The following SRCAP variants were observed in gnomAD, a reference collection of about 807,000 sequenced individuals.
SRCAP encodes the protein chromatin remodeling protein SRCAP.
A neutral mutation model predicts 263.1 loss-of-function variants in SRCAP; 46 were observed. That is an observed-to-expected ratio of 0.17 (90% confidence interval 0.14 to 0.22). The LOEUF (loss-of-function observed/expected upper bound fraction) is 0.22. Ranked by LOEUF, SRCAP falls within the 10% of genes least tolerant of loss-of-function variation. The probability of loss-of-function intolerance (pLI) is 1.00; values close to 1 mark genes in which losing one functional copy is unlikely to be tolerated. For missense variants in SRCAP, 3,695 were observed against 4,181.9 expected, an observed-to-expected ratio of 0.88 and a Z score of 3.21; for synonymous variants, 1,813 against 1,662.1, an observed-to-expected ratio of 1.09 and a Z score of -2.21.
rs758974964 is a variant in SRCAP at position 30,721,266 on chromosome 16, C to T, written c.3331C>T (p.Pro1111Ser). Residue 1111 changes from proline to serine, a missense_variant, in exon 21 of 34, where the codon CCT becomes TCT. By Grantham distance (74) the Pro-to-Ser change is moderately conservative (BLOSUM62 -1). This residue lies in a region of SRCAP where 1,347 missense variants were observed against 1,304.4 expected (regional missense o/e 1.03). Coordinates refer to ENST00000262518, the MANE Select transcript of SRCAP (RefSeq NM_006662.3). ...TPTLSLKPTPPAPVRLSPAPP... is the reference protein window; with the variant it reads ...TPTLSLKPTPSAPVRLSPAPP... The stretch of plus-strand genomic sequence containing the variant: ...AACCTTGTCCCTAAAGCCAACACCA[C>T]CTGCCCCAGTTCGCCTGAGCCCAGC... 1.9e-6 allele frequency: 3 copies of T among 1,614,146 alleles called. No individual in the cohort carries two copies. Among genetic ancestry groups the T allele is most frequent in the African/African-American group, 1.3e-5 (1 of 75,038 alleles).
chr16:30,724,257 C>T lies in SRCAP; in HGVS notation c.4833C>T (p.Val1611=), dbSNP rs1172263279. 1.2e-6 allele frequency: 2 copies of T among 1,614,008 alleles called. No individual in the cohort carries two copies. Among genetic ancestry groups the T allele is most frequent in the Admixed American group, 1.7e-5 (1 of 60,010 alleles). ...CTCCTCCTCTGGCTCCTCTTCCGGTCCTGGCACCATCGCCAGGTGCTGCTC... is the reference window on the plus strand; with the variant it reads ...CTCCTCCTCTGGCTCCTCTTCCGGTTCTGGCACCATCGCCAGGTGCTGCTC... ...SPAPPLAPLP[V]LAPSPGAAPV... Residue 1611 remains valine, a synonymous_variant, in exon 25 of 34, where the codon GTC becomes GTT. Transcript: ENST00000262518.
At chr16:30,711,173 T>G in intron 10 of SRCAP, 85 bp downstream of exon 10, 1 of 1,010,186 alleles carries the variant, frequency 9.9e-7, no homozygotes, top group Non-Finnish European at 1.5e-6. Context: ...ATAAGGCACT[T>G]TGTATCCACC....
intron 4 of SRCAP, among the ~76,000 whole-genome samples, chr16:30,704,592 C>G (rs1374186054): frequency 1.3e-5 from 2 of 152,178 alleles, no homozygotes; most frequent in Non-Finnish European, 2.9e-5. Flanking sequence ...AATCCTGGCA[C>G]TTTGGGAGGC....
chr16:30,738,242 G>T lies in SRCAP; in HGVS notation c.8202G>T (p.Gly2734=). 6.2e-7 allele frequency: 1 copy of T among 1,613,832 alleles called. No homozygotes were observed. The highest frequency in any genetic ancestry group is 8.5e-7 in the Non-Finnish European group (1 of 1,179,822). Residue 2734 remains glycine (G), a synonymous_variant, in exon 34 of 34, where the codon GGG becomes GGT. Transcript: ENST00000262518. ...TSADVEIRGQ[G]TGRPGQPPGP... ...CTGATGTGGAAATTAGGGGTCAAGG[G>T]ACTGGTCGGCCAGGACAACCACCAG...
intron 13 of SRCAP, 22 bp downstream of exon 13, chr16:30,712,461 T>G (rs1480885648): frequency 3.2e-6 from 5 of 1,549,842 alleles, no homozygotes; most frequent in Non-Finnish European, 4.3e-6. Context: ...AGGCCCCTTC[T>G]TTTGTTCCCC....
At chr16:30,705,548 C>G (rs113871633) in intron 4 of SRCAP, among the ~76,000 whole-genome samples, 3 of 151,396 alleles carry the variant, frequency 2.0e-5, no homozygotes, top group African/African-American at 7.3e-5. Context: ...TACAGGCGCC[C>G]GCCATCACAC....
chr16:30,701,549 A>G (rs1304339205), intron 3 of SRCAP: 1 of 152,074 alleles, frequency 6.6e-6, no homozygotes. Flanking sequence ...TGAGTGGCGC[A>G]GTGTAAGGCT....
At position 30,709,675 on chromosome 16, in the gene SRCAP, C is replaced by T. The variant is rs747299562; in HGVS notation, c.796C>T (p.Leu266Phe). The T allele has an allele frequency of 6.2e-7, 1 of 1,614,060 alleles. No individual in the cohort carries two copies. The highest frequency in any genetic ancestry group is 1.3e-5 in the African/African-American group (1 of 74,930). The change falls in exon 7 of 34, where the codon CTC becomes TTC. Residue 266 changes from leucine (L) to phenylalanine (F), a missense_variant. Coordinates refer to ENST00000262518, the MANE Select transcript of SRCAP (RefSeq NM_006662.3). ...CAGCAAAGCAGGCTCTTCCCCTTGC[C>T]TCGGCTCTTCCTCAGCTGCCTCCAG... The part of the protein sequence containing the change: ...TSSKAGSSPC[L>F]GSSSAASSPP...
intron 26 of SRCAP, 56 bp from the exon 27 acceptor site, chr16:30,729,314 C>T (rs2053091641): frequency 1.9e-6 from 3 of 1,608,876 alleles, no homozygotes; most frequent in African/African-American, 1.3e-5. Context: ...AAGGTGTTAA[C>T]TTCTGGGGCA....
chr16:30,735,658 A>G (rs1353946256), intron 31 of SRCAP, among the ~76,000 whole-genome samples: 1 of 131,328 alleles, frequency 7.6e-6, no homozygotes, highest in Non-Finnish European at 1.5e-5. Flanking sequence ...TCGGCTCACT[A>G]CAGCCTCCAC....
chr16:30,720,044 T>A, intron 18 of SRCAP, 118 bp from the exon 19 acceptor site: 1 of 1,049,956 alleles, frequency 9.5e-7, no homozygotes, highest in Non-Finnish European at 1.4e-6. Flanking sequence ...GTACATGTGG[T>A]ATTTGGTTTT....
At chr16:30,717,475 C>T (rs1205381275) in intron 18 of SRCAP, among the ~76,000 whole-genome samples, 1 of 151,410 alleles carries the variant, frequency 6.6e-6, no homozygotes, top group Admixed American at 6.6e-5. Flanking sequence ...GAGACAAGGT[C>T]TATCTCTGTC....
intron 31 of SRCAP, among the ~76,000 whole-genome samples, chr16:30,735,157 T>G (rs1288688572): frequency 3.9e-5 from 3 of 77,034 alleles, no homozygotes; most frequent in Admixed American, 1.5e-4. Flanking sequence ...TTTTTTTTTT[T>G]TTTTTTTGAG....
intron 33 of SRCAP, 108 bp from the exon 34 acceptor site, chr16:30,736,941 T>C: frequency 7.8e-7 from 1 of 1,279,134 alleles, no homozygotes; most frequent in Non-Finnish European, 1.1e-6. Context: ...CCCCAAGTGC[T>C]GGAATTACAG....
In SRCAP at chr16:30,738,999, GCTA is replaced by G. The variant is rs768414480; in HGVS notation, c.8962_8964del (p.Thr2988del). On this transcript the variant is annotated inframe_deletion, in exon 34 of 34. Coordinates refer to ENST00000262518, the MANE Select transcript of SRCAP (RefSeq NM_006662.3). The stretch of plus-strand genomic sequence containing the variant: ...CCCACCACTGCTAGTTTGTCCCACT[GCTA>G]CTGTTGCCAACACTGTCACCACTGT... 3 of 1,613,926 alleles carry G rather than the reference GCTA, an allele frequency of 1.9e-6. No individual in the cohort carries two copies. The highest frequency in any genetic ancestry group is 2.5e-6 in the Non-Finnish European group (3 of 1,179,988).
rs746443116 is a variant in SRCAP at position 30,711,961 on chromosome 16, C to T, written c.1619C>T (p.Ala540Val). ...GAGGATGCCCAATCACAGAGCCAAG[C>T]AGATGAAGAGGAGGAAGATGATGAT... ...ESEDAQSQSQ[A>V]DEEEEDDDFG... Residue 540 changes from alanine to valine, a missense_variant, in exon 12 of 34, where the codon GCA (alanine) becomes GTA (valine). Coordinates refer to ENST00000262518, the MANE Select transcript of SRCAP (RefSeq NM_006662.3). 75 of 1,613,794 alleles carry T rather than the reference C, an allele frequency of 4.6e-5. No homozygotes were observed. In the Admixed American group the frequency reaches 1.2e-3, roughly 27 times the overall value.
At chr16:30,708,911 C>T (rs987470713) in intron 6 of SRCAP, among the ~76,000 whole-genome samples, 1 of 152,136 alleles carries the variant, frequency 6.6e-6, no homozygotes, top group Admixed American at 6.6e-5. Context: ...CTCTGCCTCC[C>T]AGGTTCAAGC....
chr16:30,708,104 T>G (rs979097153), intron 6 of SRCAP, among the ~76,000 whole-genome samples: 6 of 152,212 alleles, frequency 3.9e-5, no homozygotes, highest in African/African-American at 1.2e-4. Flanking sequence ...TCCTTCTCCC[T>G]TCCACTCCAC....
chr16:30,710,990 CTT>C lies in SRCAP; in HGVS notation c.1229-7_1229-6del. 2.5e-6 allele frequency: 4 copies of C among 1,613,400 alleles called. No individual in the cohort carries two copies. Among genetic ancestry groups the C allele is most frequent in the Non-Finnish European group, 3.4e-6 (4 of 1,179,360 alleles). Reference sequence around the variant, plus strand: ...ATCCCTATTAATCTTGCTTCTGTCTCTTTCCTAGCGGAGGATGAAGAGGATAC... The same window carrying C: ...ATCCCTATTAATCTTGCTTCTGTCTCTCCTAGCGGAGGATGAAGAGGATAC... On this transcript the variant is annotated splice_polypyrimidine_tract_variant and splice_region_variant and intron_variant, in intron 9 of 33. Transcript: ENST00000262518.
Sources: gnomAD v4.1 joint callset for allele counts (sites outside exome capture counted in the v4.1 genomes callset) on GRCh38, gnomAD v4.1.1 for gene constraint, gnomAD v4.1.1 regional missense constraint, MANE v1.5 for transcripts, NCBI Gene and HGNC (gene_info 2026-07-23, HGNC 2026-07-21) for gene names.